DNAH9: variants seen among roughly 807,000 people sequenced by gnomAD.
DNAH9 encodes the protein dynein axonemal heavy chain 9.
In DNAH9, 345 loss-of-function variants were observed where a neutral mutation model predicts 471.6. That is an observed-to-expected ratio of 0.73 (90% CI 0.67 to 0.80). The LOEUF (loss-of-function observed/expected upper bound fraction) is 0.80. Among genes scored for constraint, DNAH9 ranks in the 30% least tolerant of loss-of-function variants. The pLI is 0.00. For synonymous variants in DNAH9, 2,093 were observed against 2,123.6 expected, an observed-to-expected ratio of 0.99 and a Z score of 0.40; for missense variants, 5,407 against 5,609.2, an observed-to-expected ratio of 0.96 and a Z score of 1.15.
intron 61 of DNAH9, 124 bp downstream of exon 61, chr17:11,905,933 A>AGTC (rs1450432299): frequency 2.4e-6 from 3 of 1,247,758 alleles, no homozygotes; most frequent in Non-Finnish European, 3.2e-6. Context: ...ATCATACAGA[A>AGTC]GTCAGGGTCA....
At chr17:11,800,378 CCTT>C (rs1969410652) in intron 43 of DNAH9, among the ~76,000 whole-genome samples, 1 of 151,754 alleles carries the variant, frequency 6.6e-6, no homozygotes, top group Non-Finnish European at 1.5e-5. Flanking sequence ...CTCTCTCTCT[CCTT>C]CTCCCTCTCC....
intron 55 of DNAH9, among the ~76,000 whole-genome samples, chr17:11,881,920 A>G (rs1181914534): frequency 4.1e-5 from 6 of 146,414 alleles, no homozygotes; most frequent in South Asian, 4.4e-4. Context: ...CAAAAAAAAG[A>G]AAAAAAAAAC....
chr17:11,887,335 G>A (rs530620813), intron 57 of DNAH9, among the ~76,000 whole-genome samples: 2 of 152,298 alleles, frequency 1.3e-5, no homozygotes, highest in African/African-American at 4.8e-5. Context: ...ACAATCAAAT[G>A]TGTCACTTGT....
intron 19 of DNAH9, 88 bp downstream of exon 19, chr17:11,680,977 TC>T: frequency 8.0e-7 from 1 of 1,252,972 alleles, no homozygotes; most frequent in Non-Finnish European, 1.1e-6. Flanking sequence ...TGTGTATTCT[TC>T]CAGCAGCTGC....
chr17:11,831,948 G>T (rs540224303), intron 48 of DNAH9, among the ~76,000 whole-genome samples: 2 of 152,214 alleles, frequency 1.3e-5, no homozygotes, highest in African/African-American at 4.8e-5. Flanking sequence ...TACTACCATG[G>T]TCCCGATTCA....
intron 10 of DNAH9, among the ~76,000 whole-genome samples, chr17:11,642,123 G>A (rs2150687470): frequency 1.3e-5 from 2 of 152,320 alleles, no homozygotes; most frequent in South Asian, 4.1e-4. Context: ...CGAGGCAGGG[G>A]TTGAAGCAGG....
intron 49 of DNAH9, among the ~76,000 whole-genome samples, chr17:11,853,612 T>A (rs934815129): frequency 7.9e-5 from 12 of 152,234 alleles, no homozygotes; most frequent in Non-Finnish European, 1.0e-4. Context: ...TTACTTGGGT[T>A]ACAGTGCTAT....
At chr17:11,792,266 C>T (rs930757115) in intron 41 of DNAH9, among the ~76,000 whole-genome samples, 2 of 152,154 alleles carry the variant, frequency 1.3e-5, no homozygotes, top group Non-Finnish European at 2.9e-5. Context: ...AAGAGCGAAA[C>T]TCCGTCTCAA....
intron 23 of DNAH9, 143 bp downstream of exon 23, chr17:11,700,026 A>G: frequency 1.3e-6 from 1 of 759,548 alleles, no homozygotes; most frequent in South Asian, 1.9e-5. Flanking sequence ...AGCTTCTTTG[A>G]CTTGAACTGA....
In DNAH9 at chr17:11,822,468, A is replaced by G. The variant is rs1970341702; in HGVS notation, c.8881A>G (p.Lys2961Glu). The G allele has an allele frequency of 1.2e-6, 2 of 1,614,052 alleles. No homozygotes were observed. The highest frequency in any genetic ancestry group is 1.1e-5 in the South Asian group (1 of 91,088). The change falls in exon 47 of 69, where the codon AAG (lysine) becomes GAG (glutamate). Residue 2961 changes from lysine (K) to glutamate (E), a missense_variant. By Grantham distance (56) the Lys-to-Glu change is moderately conservative. Coordinates refer to ENST00000262442, the MANE Select transcript of DNAH9 (RefSeq NM_001372.4). ...VTLCFSPVGNKLRVRSRKFPA... is the reference protein window; with the variant it reads ...VTLCFSPVGNELRVRSRKFPA... ...TCTCTGTTTCTCCCCTGTGGGAAAC[A>G]AGCTAAGAGTCCGCAGCAGGAAGTT...
intron 3 of DNAH9, 56 bp from the exon 4 acceptor site, chr17:11,611,594 T>C: frequency 1.3e-6 from 2 of 1,580,440 alleles, no homozygotes; most frequent in Non-Finnish European, 1.7e-6. Context: ...GTCATCACAG[T>C]GTGACTTGCA....
intron 61 of DNAH9, among the ~76,000 whole-genome samples, chr17:11,914,264 A>C (rs572142875): frequency 3.9e-5 from 6 of 152,314 alleles, no homozygotes; most frequent in Non-Finnish European, 2.9e-5. Flanking sequence ...CAGGAGAAGA[A>C]GTAAATGCTT....
intron 34 of DNAH9, among the ~76,000 whole-genome samples, chr17:11,757,024 A>C (rs1012114049): frequency 1.3e-5 from 2 of 152,084 alleles, no homozygotes; most frequent in Non-Finnish European, 2.9e-5. Flanking sequence ...TTATTAACAG[A>C]GACTGGAAGA....
At chr17:11,835,307 A>G (rs879619492) in intron 49 of DNAH9, among the ~76,000 whole-genome samples, 1 of 152,222 alleles carries the variant, frequency 6.6e-6, no homozygotes, top group Non-Finnish European at 1.5e-5. Flanking sequence ...TTTGCCCTTT[A>G]GGTTCTGTGG....
intron 24 of DNAH9, among the ~76,000 whole-genome samples, chr17:11,703,808 G>A (rs991646184): frequency 6.6e-6 from 1 of 152,152 alleles, no homozygotes; most frequent in African/African-American, 2.4e-5. Context: ...AGACCACAGA[G>A]GAGCAGAAGA....
intron 48 of DNAH9, among the ~76,000 whole-genome samples, chr17:11,828,769 C>A (rs1375973505): frequency 6.6e-6 from 1 of 152,128 alleles, no homozygotes; most frequent in African/African-American, 2.4e-5. Flanking sequence ...AATTTGTTCC[C>A]CACTGCTCCA....
rs1312995280 is a variant in DNAH9 at position 11,932,878 on chromosome 17, C to T, written c.12297+673C>T. 6.6e-6 allele frequency among the ~76,000 whole-genome samples: 1 copy of T among 152,216 alleles called. No homozygotes were observed. Among genetic ancestry groups the T allele is most frequent in the African/African-American group, 2.4e-5 (1 of 41,452 alleles). ...CACTCGCCTGATATAAGTTCCCAAA[C>T]TTCGCTAACAATCAGTGCTCTTCCA... On this transcript the variant is annotated intron_variant, in intron 64 of 68. Transcript: ENST00000262442. The surrounding 1 kb of genome is among the most constrained non-coding windows in gnomAD (Gnocchi z 4.3).
Position 11,886,883 on chromosome 17 carries a change from C to A in DNAH9, c.11030C>A (p.Pro3677Gln). 8 of 1,613,022 alleles carry A rather than the reference C, an allele frequency of 5.0e-6. No homozygotes were observed. The highest frequency in any genetic ancestry group is 6.8e-6 in the Non-Finnish European group (8 of 1,179,546). Residue 3677 changes from proline to glutamine, a missense_variant, in exon 57 of 69, where the codon CCA becomes CAA. Around this residue, in one of 3 missense-constraint regions of DNAH9, gnomAD observed 4,636 missense variants for 4,900.3 expected, o/e 0.95. Transcript: ENST00000262442. ...KINEAREHYR[P>Q]AAARASLLYF... ...AACGAGGCCCGAGAGCACTACCGGCCAGCAGCTGCCAGGGCCTCACTGCTC... is the reference window on the plus strand; with the variant it reads ...AACGAGGCCCGAGAGCACTACCGGCAAGCAGCTGCCAGGGCCTCACTGCTC...
chr17:11,631,360 GA>G (rs1255731762), intron 7 of DNAH9, among the ~76,000 whole-genome samples: 2 of 152,120 alleles, frequency 1.3e-5, no homozygotes, highest in Non-Finnish European at 2.9e-5. Flanking sequence ...ACATCCAGGG[GA>G]ATCTTAGTTG....
Sources: gnomAD v4.1 joint callset for allele counts (sites outside exome capture counted in the v4.1 genomes callset) on GRCh38, gnomAD v4.1.1 for gene constraint, gnomAD v4.1.1 regional missense constraint, Gnocchi (gnomAD v3.1) non-coding constraint, MANE v1.5 for transcripts, NCBI Gene and HGNC (gene_info 2026-07-23, HGNC 2026-07-21) for gene names.